CDC73: variants seen among roughly 807,000 people sequenced by gnomAD.
The protein encoded by CDC73 is cell division cycle 73.
In CDC73, 21 loss-of-function variants were observed where a neutral mutation model predicts 83.7. That is an observed-to-expected ratio of 0.25 (90% CI 0.18 to 0.36). CDC73 has a LOEUF of 0.36. Ranked by LOEUF, CDC73 falls within the 10% of genes least tolerant of loss-of-function variation. The pLI is 1.00. For synonymous variants in CDC73, 224 were observed against 212.9 expected (o/e 1.05, Z -0.45); for missense variants, 342 against 653.3 (o/e 0.52, Z 5.19).
At chr1:193,213,735 A>G (rs753205816) in intron 13 of CDC73, among the ~76,000 whole-genome samples, 3 of 152,138 alleles carry the variant, frequency 2.0e-5, no homozygotes, top group Non-Finnish European at 4.4e-5. Context: ...ACTGTTGCTC[A>G]CTAATCTTAA....
At chr1:193,157,200 G>T (rs1396884446) in intron 10 of CDC73, among the ~76,000 whole-genome samples, 1 of 152,158 alleles carries the variant, frequency 6.6e-6, no homozygotes, top group Non-Finnish European at 1.5e-5. Context: ...AGAAAGATTT[G>T]AAAGAAGACT....
chr1:193,132,942 C>T (rs1364977689), intron 3 of CDC73, among the ~76,000 whole-genome samples: 4 of 148,266 alleles, frequency 2.7e-5, no homozygotes, highest in African/African-American at 1.0e-4. Context: ...GCTCTGTCGC[C>T]CCAGGCTGGA....
intron 13 of CDC73, among the ~76,000 whole-genome samples, chr1:193,213,196 A>G (rs559815062): frequency 6.6e-6 from 1 of 152,170 alleles, no homozygotes; most frequent in Non-Finnish European, 1.5e-5. Flanking sequence ...TCTGTATACT[A>G]CTTCTTGGAT....
intron 3 of CDC73, among the ~76,000 whole-genome samples, chr1:193,134,116 T>A (rs1012388160): frequency 1.3e-5 from 2 of 152,160 alleles, no homozygotes; most frequent in African/African-American, 4.8e-5. Flanking sequence ...AGAGGTATAT[T>A]TCGTTTAGCT....
At chr1:193,232,795 T>TGGGA (rs1252642980) in intron 13 of CDC73, among the ~76,000 whole-genome samples, 198 bp from the exon 14 acceptor site, 2 of 151,610 alleles carry the variant, frequency 1.3e-5, no homozygotes, top group African/African-American at 4.9e-5. Context: ...CTCAGCAACT[T>TGGGA]GGGAGGCTGA....
intron 10 of CDC73, among the ~76,000 whole-genome samples, chr1:193,157,723 C>T (rs1234332862): frequency 6.6e-6 from 1 of 152,130 alleles, no homozygotes; most frequent in Non-Finnish European, 1.5e-5. Flanking sequence ...GTTTGAAATC[C>T]CTGCTCTAGA....
chr1:193,130,361 A>G, intron 3 of CDC73, 118 bp downstream of exon 3: 1 of 740,666 alleles, frequency 1.4e-6, no homozygotes, highest in Non-Finnish European at 2.4e-6. Context: ...ACCTACCTTC[A>G]TTTTTGTCCA....
At chr1:193,235,503 C>CT (rs1677741539) in intron 14 of CDC73, among the ~76,000 whole-genome samples, 2 of 152,158 alleles carry the variant, frequency 1.3e-5, no homozygotes, top group Non-Finnish European at 2.9e-5. Flanking sequence ...TTTGTTCCCA[C>CT]CGCTTTAGTT....
chr1:193,196,464 C>T (rs1318250411), intron 10 of CDC73, among the ~76,000 whole-genome samples: 4 of 152,080 alleles, frequency 2.6e-5, no homozygotes, highest in Non-Finnish European at 2.9e-5. Context: ...TTTGAGGTCC[C>T]GTGAGATTCC....
intron 15 of CDC73, among the ~76,000 whole-genome samples, chr1:193,239,740 T>C (rs1384797945): frequency 6.6e-6 from 1 of 152,164 alleles, no homozygotes; most frequent in African/African-American, 2.4e-5. Context: ...ATTTCTGTGT[T>C]TTGGGAACAT....
intron 10 of CDC73, among the ~76,000 whole-genome samples, chr1:193,170,261 T>G (rs1243929665): frequency 6.6e-6 from 1 of 152,228 alleles, no homozygotes; most frequent in East Asian, 1.9e-4. Context: ...AATATACGCA[T>G]GCATGTGTCT....
intron 10 of CDC73, among the ~76,000 whole-genome samples, chr1:193,168,452 T>C (rs956543112): frequency 1.3e-5 from 2 of 152,150 alleles, no homozygotes; most frequent in Non-Finnish European, 2.9e-5. Flanking sequence ...TTTTTGTGAT[T>C]TGTATTGTGC....
Position 193,135,399 on chromosome 1 carries a change from G to A in CDC73, c.316G>A (p.Ala106Thr), listed in dbSNP as rs369254776. The A allele has an allele frequency of 1.9e-6, 3 of 1,612,614 alleles. No homozygotes were observed. Among genetic ancestry groups the A allele is most frequent in the South Asian group, 1.1e-5 (1 of 91,044 alleles). The change falls in exon 4 of 17, where the codon GCA becomes ACA. Residue 106 changes from alanine to threonine, a missense_variant. Around this residue, in one of 3 missense-constraint regions of CDC73, gnomAD observed 99 missense variants for 174.5 expected, o/e 0.57. Transcript: ENST00000367435. ...GYLNGEASTS[A>T]SIDRSAPLEI... ...TCTTTTTATGTCTTCAGCAACATCG[G>A]CAAGTATAGACAGAAGCGCTCCCTT...
chr1:193,142,444 G>A (rs1400669891), intron 7 of CDC73, among the ~76,000 whole-genome samples: 1 of 152,074 alleles, frequency 6.6e-6, no homozygotes, highest in African/African-American at 2.4e-5. Flanking sequence ...TCACATGGTA[G>A]AGAACTTATG....
At chr1:193,239,801 A>C (rs150831763) in intron 15 of CDC73, among the ~76,000 whole-genome samples, 4 of 152,162 alleles carry the variant, frequency 2.6e-5, no homozygotes, top group Admixed American at 6.5e-5. Flanking sequence ...ATTATTGTTA[A>C]GTATAGCCTC....
intron 10 of CDC73, among the ~76,000 whole-genome samples, chr1:193,162,354 ATATT>A (rs1019635819): frequency 7.2e-6 from 1 of 138,662 alleles, no homozygotes; most frequent in Non-Finnish European, 1.5e-5. Context: ...ATATACATAT[ATATT>A]ATATATAGTG....
intron 4 of CDC73, 30 bp from the exon 5 acceptor site, chr1:193,135,505 TAC>T: frequency 6.2e-7 from 1 of 1,611,660 alleles, no homozygotes; most frequent in Non-Finnish European, 8.5e-7. Context: ...ATTCCAAAAC[TAC>T]ACATTTATTT....
At chr1:193,187,013 T>TC (rs1676821660) in intron 10 of CDC73, among the ~76,000 whole-genome samples, 1 of 151,222 alleles carries the variant, frequency 6.6e-6, no homozygotes, top group Non-Finnish European at 1.5e-5. Flanking sequence ...AAGTTTTTTT[T>TC]CTCTGCTTTC....
At chr1:193,187,102 T>C (rs868034266) in intron 10 of CDC73, among the ~76,000 whole-genome samples, 3 of 32,864 alleles carry the variant, frequency 9.1e-5, no homozygotes, top group African/African-American at 2.0e-4. Context: ...GTAATTTAGA[T>C]CCCCCCCCCC....
Sources: allele counts gnomAD v4.1 joint callset (sites outside exome capture counted in the v4.1 genomes callset), GRCh38; gene constraint gnomAD v4.1.1; regional missense constraint gnomAD v4.1.1; transcripts MANE v1.5; gene names NCBI Gene and HGNC (gene_info 2026-07-23, HGNC 2026-07-21).